The following CCDC171 variants were observed in gnomAD, a reference collection of about 807,000 sequenced individuals.
The protein encoded by CCDC171 is coiled-coil domain-containing protein 171.
CCDC171 carries 177 observed loss-of-function variants against 168.2 expected under a neutral mutation model. The ratio of observed to expected loss-of-function variants is 1.05; its 90% CI spans 0.93 to 1.19. CCDC171 has a LOEUF of 1.19. Ranked by LOEUF, CCDC171 falls within the 50% of genes most tolerant of loss-of-function variation. The pLI, the probability that CCDC171 is intolerant of heterozygous loss-of-function variation, is 0.00. For synonymous variants in CCDC171, 687 were observed against 540.8 expected (o/e 1.27, Z -3.75); for missense variants, 1,991 against 1,539.0 (o/e 1.29, Z -4.91).
chr9:16,035,979 G>T (rs953863099), intron 7 of CCDC171: 1 of 152,118 alleles, frequency 6.6e-6, no homozygotes, highest in East Asian at 1.9e-4. Context: ...CCCACAGCTG[G>T]GGGTACACAA....
At position 15,745,509 on chromosome 9, in the gene CCDC171, T is replaced by G; in HGVS notation, c.2555-6T>G. 2 of 1,527,870 alleles carry G rather than the reference T, an allele frequency of 1.3e-6. No individual in the cohort carries two copies. The highest frequency in any genetic ancestry group is 2.5e-5 in the South Asian group (2 of 79,314). The allele number at this position is 1,527,870 out of a possible 1,614,324, so 94.6% of individuals were successfully genotyped here. A position where few individuals can be genotyped will look rare whatever the true frequency, so the allele number is the denominator to read the frequency against. The stretch of plus-strand genomic sequence containing the variant: ...AATTTTACAATGGATTTTTTCAATT[T>G]TATAGAACATCAAAAGGAGCAGTTG... On this transcript the variant is annotated splice_polypyrimidine_tract_variant and splice_region_variant and intron_variant, in intron 17 of 25. Coordinates refer to ENST00000380701, the MANE Select transcript of CCDC171 (RefSeq NM_173550.4).
chr9:15,938,049 T>C (rs995427933), intron 25 of CCDC171, among the ~76,000 whole-genome samples: 9 of 151,992 alleles, frequency 5.9e-5, no homozygotes, highest in Non-Finnish European at 1.3e-4. Context: ...CAGTAACACC[T>C]GATTGCCAGA....
intron 6 of CCDC171, among the ~76,000 whole-genome samples, chr9:16,024,229 C>T (rs928861675): frequency 2.0e-5 from 3 of 152,016 alleles, no homozygotes; most frequent in Admixed American, 1.3e-4. Context: ...AATAAATTTA[C>T]GTTGTTTTAA....
rs535284505 is a variant in CCDC171, at chr9:15,784,673, A to G, written c.3246A>G (p.Gln1082=). Residue 1082 remains glutamine (Q), a synonymous_variant, in exon 21 of 26, where the codon CAA becomes CAG. Coordinates refer to ENST00000380701, the MANE Select transcript of CCDC171 (RefSeq NM_173550.4). The stretch of plus-strand genomic sequence containing the variant: ...CCAGTGAGGAAGCTGACAAAAACCA[A>G]ACTCTTGGAGAAGCTGTTAAGGTAA... ...LHSSEEADKN[Q]TLGEAVKSLS... The G allele has an allele frequency of 6.2e-7, 1 of 1,612,648 alleles. No individual in the cohort carries two copies. Among genetic ancestry groups the G allele is most frequent in the South Asian group, 1.1e-5 (1 of 90,926 alleles).
At chr9:15,583,236 G>A (rs1372367671) in intron 4 of CCDC171, among the ~76,000 whole-genome samples, 2 of 151,916 alleles carry the variant, frequency 1.3e-5, no homozygotes, top group African/African-American at 4.8e-5. Flanking sequence ...CCAAGGTGGT[G>A]GAACCCCGTC....
chr9:15,598,207 C>A (rs1265882556), intron 6 of CCDC171, among the ~76,000 whole-genome samples: 2 of 152,030 alleles, frequency 1.3e-5, no homozygotes, highest in Admixed American at 6.6e-5. Flanking sequence ...AATGTGTTTG[C>A]TCTTGCTTCT....
chr9:16,097,597 A>C, the CCDC171 span, among the ~76,000 whole-genome samples: 2 of 152,332 alleles, frequency 1.3e-5, no homozygotes, highest in African/African-American at 4.8e-5. Context: ...ATGAGCAAGC[A>C]TACTATCTCA....
At chr9:16,082,267 GC>G in the CCDC171 span, among the ~76,000 whole-genome samples, 2 of 152,182 alleles carry the variant, frequency 1.3e-5, no homozygotes, top group African/African-American at 4.8e-5. Flanking sequence ...AGAATGAGGG[GC>G]TTTATGCTAT....
At chr9:15,852,208 A>G (rs1269859508) in intron 23 of CCDC171, among the ~76,000 whole-genome samples, 1 of 151,788 alleles carries the variant, frequency 6.6e-6, no homozygotes, top group Non-Finnish European at 1.5e-5. Flanking sequence ...ATTATGGATA[A>G]GCATTCTTAT....
At chr9:15,632,095 C>A (rs1234144943) in intron 7 of CCDC171, among the ~76,000 whole-genome samples, 1 of 152,028 alleles carries the variant, frequency 6.6e-6, no homozygotes. Flanking sequence ...GAAGCATTCC[C>A]TTTGAAAACT....
chr9:15,894,450 A>T (rs547141307), intron 24 of CCDC171, among the ~76,000 whole-genome samples: 15 of 152,212 alleles, frequency 9.9e-5, no homozygotes, highest in African/African-American at 3.6e-4. Flanking sequence ...AAAGAAAAAT[A>T]TGAGTCATTT....
intron 21 of CCDC171, among the ~76,000 whole-genome samples, chr9:15,844,200 G>A (rs1432500129): frequency 1.3e-5 from 2 of 151,948 alleles, no homozygotes; most frequent in African/African-American, 4.8e-5. Context: ...AAATATTAGA[G>A]TCCATAAAGT....
At chr9:15,970,982 C>T (rs1163675302) in intron 25 of CCDC171, among the ~76,000 whole-genome samples, 3 of 152,044 alleles carry the variant, frequency 2.0e-5, no homozygotes, top group African/African-American at 7.2e-5. Context: ...AACAAATCTG[C>T]ACGTGTACCC....
At chr9:15,729,432 G>T (rs982350671) in intron 15 of CCDC171, among the ~76,000 whole-genome samples, 178 bp from the exon 16 acceptor site, 12 of 152,032 alleles carry the variant, frequency 7.9e-5, no homozygotes, top group Non-Finnish European at 1.8e-4. Context: ...CTAACGTGTG[G>T]CAGTTTACAC....
At chr9:15,988,493 T>C (rs1419336894) in intron 3 of CCDC171, among the ~76,000 whole-genome samples, 2 of 152,130 alleles carry the variant, frequency 1.3e-5, no homozygotes, top group Non-Finnish European at 1.5e-5. Flanking sequence ...AGTTCCCAGC[T>C]TGAGTGACAC....
chr9:15,763,118 C>T (rs1318645756), intron 18 of CCDC171, among the ~76,000 whole-genome samples: 1 of 152,126 alleles, frequency 6.6e-6, no homozygotes, highest in African/African-American at 2.4e-5. Flanking sequence ...TTTATTATAA[C>T]AGAAGGAAAC....
chr9:15,975,502 G>C (rs561798470), downstream of CCDC171, among the ~76,000 whole-genome samples: 8 of 152,240 alleles, frequency 5.3e-5, no homozygotes, highest in East Asian at 1.4e-3. Flanking sequence ...CACTATTTAT[G>C]TAAACAGTAA....
chr9:15,696,020 G>A (rs901802519), intron 11 of CCDC171, among the ~76,000 whole-genome samples: 7 of 152,148 alleles, frequency 4.6e-5, no homozygotes, highest in African/African-American at 1.7e-4. Flanking sequence ...TGCTATAGTA[G>A]CTTTGACATA....
At chr9:16,105,475 G>A in the CCDC171 span, among the ~76,000 whole-genome samples, 2 of 152,108 alleles carry the variant, frequency 1.3e-5, no homozygotes, top group East Asian at 1.9e-4. Context: ...CTTTTTCAGT[G>A]GCACTGGTCA....
Sources: allele counts gnomAD v4.1 joint callset (sites outside exome capture counted in the v4.1 genomes callset), GRCh38; gene constraint gnomAD v4.1.1; transcripts MANE v1.5; gene names NCBI Gene and HGNC (gene_info 2026-07-23, HGNC 2026-07-21).